The following SUGCT variants were observed in gnomAD, a reference collection of about 807,000 sequenced individuals.
The protein encoded by SUGCT is succinyl-CoA:glutarate-CoA transferase, also known as succinyl-CoA:glutarate CoA-transferase.
A neutral mutation model predicts 55.0 loss-of-function variants in SUGCT; 41 were observed. That is an observed-to-expected ratio of 0.74 (90% CI 0.58 to 0.97). SUGCT has a LOEUF of 0.97. Among genes scored for constraint, SUGCT ranks in the 50% least tolerant of loss-of-function variants. The pLI, the probability that SUGCT is intolerant of heterozygous loss-of-function variation, is 0.00. For missense variants in SUGCT, 568 were observed against 547.8 expected, an observed-to-expected ratio of 1.04 and a Z score of -0.37; for synonymous variants, 187 against 200.4, an observed-to-expected ratio of 0.93 and a Z score of 0.56.
chr7:40,974,074 A>G, the SUGCT span, among the ~76,000 whole-genome samples: 2 of 152,208 alleles, frequency 1.3e-5, no homozygotes, highest in African/African-American at 4.8e-5. Flanking sequence ...TGCATTCTCA[A>G]GATGGTTTAT....
In SUGCT at chr7:40,394,471, A is replaced by G. The variant is rs182909716; in HGVS notation, c.817-54816A>G. On this transcript the variant is annotated intron_variant, in intron 9 of 13. Coordinates refer to ENST00000335693, the MANE Select transcript of SUGCT (RefSeq NM_001193313.2). ...TTCTTTGAAATTTTATTATGACTTA[A>G]TTGACAAACATAAATTATATAGATT... is the stretch of plus-strand genomic sequence containing the variant. Among the ~76,000 whole-genome samples, 306 of 152,348 alleles carry G rather than the reference A, an allele frequency of 2.0e-3. 12 individuals carry two copies. In the South Asian group the frequency reaches 0.059, roughly 29 times the overall value.
At chr7:40,385,915 A>G (rs556053964) in intron 9 of SUGCT, among the ~76,000 whole-genome samples, 7 of 152,336 alleles carry the variant, frequency 4.6e-5, no homozygotes, top group Admixed American at 2.0e-4. Context: ...ACATGTAACA[A>G]TTGTTAGGGG....
At chr7:40,386,186 T>C (rs1449590597) in intron 9 of SUGCT, among the ~76,000 whole-genome samples, 2 of 152,186 alleles carry the variant, frequency 1.3e-5, no homozygotes, top group Non-Finnish European at 2.9e-5. Context: ...AGTGCACAGC[T>C]AGGACAAGAG....
intron 9 of SUGCT, among the ~76,000 whole-genome samples, chr7:40,420,994 A>G (rs751209241): frequency 4.6e-5 from 7 of 152,002 alleles, no homozygotes; most frequent in African/African-American, 1.7e-4. Flanking sequence ...TGTGTTTCCA[A>G]TATTTCCCTC....
intron 12 of SUGCT, among the ~76,000 whole-genome samples, chr7:40,735,980 C>G (rs950748643): frequency 3.3e-5 from 5 of 151,658 alleles, no homozygotes; most frequent in Non-Finnish European, 5.9e-5. Flanking sequence ...CAAATCATCT[C>G]TGGATTAAGA....
At chr7:40,301,229 C>A (rs1011583982) in intron 8 of SUGCT, among the ~76,000 whole-genome samples, 1 of 152,114 alleles carries the variant, frequency 6.6e-6, no homozygotes, top group African/African-American at 2.4e-5. Context: ...GCACCTAGCA[C>A]GGTGCCTGAA....
intron 9 of SUGCT, among the ~76,000 whole-genome samples, chr7:40,421,940 A>G (rs1441036280): frequency 6.6e-6 from 1 of 151,936 alleles, no homozygotes; most frequent in African/African-American, 2.4e-5. Flanking sequence ...CCTTGCCCCA[A>G]CTCTTTCCCT....
intron 12 of SUGCT, among the ~76,000 whole-genome samples, chr7:40,744,451 T>A (rs1424954905): frequency 6.6e-6 from 1 of 152,158 alleles, no homozygotes; most frequent in Non-Finnish European, 1.5e-5. Context: ...AGTGACTAAT[T>A]TTTTTTACAG....
chr7:40,840,908 T>A (rs1333051760), intron 13 of SUGCT, among the ~76,000 whole-genome samples: 3 of 69,770 alleles, frequency 4.3e-5, no homozygotes, highest in Non-Finnish European at 8.3e-5. Flanking sequence ...TGTTTTTTTT[T>A]ATGTTACAAC....
intron 7 of SUGCT, among the ~76,000 whole-genome samples, chr7:40,252,833 G>C (rs1316339729): frequency 2.0e-5 from 3 of 151,990 alleles, no homozygotes; most frequent in African/African-American, 7.3e-5. Context: ...AGTTTTTATA[G>C]AGACAGGGAC....
chr7:40,953,623 G>A, the SUGCT span, among the ~76,000 whole-genome samples: 1 of 152,026 alleles, frequency 6.6e-6, no homozygotes, highest in African/African-American at 2.4e-5. Context: ...CATACAGGTG[G>A]GGTTTTGGTG....
chr7:40,772,518 CT>C (rs1008476388), intron 13 of SUGCT, among the ~76,000 whole-genome samples: 1 of 148,014 alleles, frequency 6.8e-6, no homozygotes, highest in African/African-American at 2.5e-5. Context: ...ATCTATCTAT[CT>C]ATCTATCTAT....
the SUGCT span, among the ~76,000 whole-genome samples, chr7:40,994,346 T>G: frequency 6.6e-6 from 1 of 152,170 alleles, no homozygotes; most frequent in Admixed American, 6.5e-5. Flanking sequence ...AAATCTAATG[T>G]ATGGATGGAA....
the SUGCT span, among the ~76,000 whole-genome samples, chr7:40,909,246 C>G: frequency 6.6e-6 from 1 of 152,166 alleles, no homozygotes; most frequent in Non-Finnish European, 1.5e-5. Context: ...AGGCCAAGGT[C>G]TGGAAAACAG....
intron 9 of SUGCT, among the ~76,000 whole-genome samples, chr7:40,446,351 C>T (rs1788835297): frequency 6.6e-6 from 1 of 152,100 alleles, no homozygotes; most frequent in South Asian, 2.1e-4. Flanking sequence ...TCACCCTTCT[C>T]CACAAAAAAG....
chr7:40,557,864 A>T (rs1283331204), intron 12 of SUGCT, among the ~76,000 whole-genome samples: 1 of 152,096 alleles, frequency 6.6e-6, no homozygotes, highest in Non-Finnish European at 1.5e-5. Flanking sequence ...TACACATCTG[A>T]TAAGGGATTA....
At chr7:40,595,951 G>T (rs1283868189) in intron 12 of SUGCT, among the ~76,000 whole-genome samples, 2 of 152,086 alleles carry the variant, frequency 1.3e-5, no homozygotes, top group African/African-American at 2.4e-5. Context: ...CTATTTAATT[G>T]GAAGGAAAAG....
At chr7:40,276,468 C>T (rs538972052) in intron 8 of SUGCT, among the ~76,000 whole-genome samples, 1 of 152,170 alleles carries the variant, frequency 6.6e-6, no homozygotes, top group Non-Finnish European at 1.5e-5. Flanking sequence ...ATAACATCCA[C>T]AGGAGGCCCT....
chr7:41,034,562 G>C, the SUGCT span, among the ~76,000 whole-genome samples: 1 of 152,172 alleles, frequency 6.6e-6, no homozygotes, highest in Non-Finnish European at 1.5e-5. Context: ...GGGACTTCTT[G>C]TGCACCAGGC....
Sources: allele counts gnomAD v4.1 joint callset (sites outside exome capture counted in the v4.1 genomes callset), GRCh38; gene constraint gnomAD v4.1.1; transcripts MANE v1.5; gene names NCBI Gene and HGNC (gene_info 2026-07-23, HGNC 2026-07-21).